ALPK2: variants seen among roughly 807,000 people sequenced by gnomAD.
ALPK2 encodes alpha kinase 2, also known as alpha-protein kinase 2.
Under a neutral mutation model 163.1 loss-of-function variants are expected in ALPK2, and 127 were observed. That is an observed-to-expected ratio of 0.78 (90% confidence interval 0.67 to 0.90). The LOEUF is 0.90. Ranked by LOEUF, ALPK2 falls within the 40% of genes least tolerant of loss-of-function variation. ALPK2 has a pLI of 0.00. For missense variants in ALPK2, 2,360 were observed against 2,589.6 expected (o/e 0.91, Z 1.92); for synonymous variants, 953 against 959.1 (o/e 0.99, Z 0.12).
At chr18:58,576,499 T>C (rs1259252968) in intron 4 of ALPK2, among the ~76,000 whole-genome samples, 1 of 152,242 alleles carries the variant, frequency 6.6e-6, no homozygotes, top group Non-Finnish European at 1.5e-5. Flanking sequence ...TTAAAATGTC[T>C]TTTGAATTTG....
chr18:58,594,058 C>T (rs533532384), intron 3 of ALPK2, among the ~76,000 whole-genome samples: 15 of 151,266 alleles, frequency 9.9e-5, no homozygotes, highest in Non-Finnish European at 2.1e-4. Context: ...CACTCAGAAG[C>T]ACTGAACTAA....
In ALPK2 at chr18:58,579,469, T is replaced by C. The variant is rs1358721803; in HGVS notation, c.1307A>G (p.His436Arg). ...QTGMTLILGPHQDGTSSVTEQ... is the reference protein window; with the variant it reads ...QTGMTLILGPRQDGTSSVTEQ... ...TGTCACTGAAGACGTTCCATCCTGG[T>C]GAGGTCCCAAAATGAGAGTCATCCC... The change falls in exon 4 of 13, where the codon CAC becomes CGC. Residue 436 changes from histidine (H) to arginine (R), a missense_variant. Physicochemically the swap from His to Arg is conservative, Grantham distance 29. Transcript: ENST00000361673. The C allele has an allele frequency of 1.2e-6, 2 of 1,613,946 alleles. No individual in the cohort carries two copies. The highest frequency in any genetic ancestry group is 1.3e-5 in the African/African-American group (1 of 74,886).
Position 58,531,393 on chromosome 18 carries a change from G to A in ALPK2, c.5354-2155C>T, listed in dbSNP as rs142339157. On this transcript the variant is annotated intron_variant, in intron 5 of 12. Transcript: ENST00000361673. ...GCACAGTCGAGATGTCAGCCAAGGG[G>A]TCTGAAGTGTACCAGCCGGAAAGCA... is the stretch of plus-strand genomic sequence containing the variant. Among the ~76,000 whole-genome samples the A allele has an allele frequency of 1.2e-4, 18 of 152,090 alleles. No homozygotes were observed. The East Asian group carries it at 2.5e-3, about 21-fold the overall frequency.
At chr18:58,484,135 A>G (rs1327241602) in intron 12 of ALPK2, among the ~76,000 whole-genome samples, 3 of 152,222 alleles carry the variant, frequency 2.0e-5, no homozygotes, top group Admixed American at 2.0e-4. Context: ...GATGATTGAA[A>G]AAAGAGTGGG....
intron 1 of ALPK2, among the ~76,000 whole-genome samples, chr18:58,619,877 C>A (rs893717253): frequency 6.6e-6 from 1 of 152,132 alleles, no homozygotes; most frequent in Non-Finnish European, 1.5e-5. Context: ...TCATAATAGC[C>A]AAAAATTGGA....
In ALPK2 at chr18:58,579,111, T is replaced by G; in HGVS notation, c.1665A>C (p.Glu555Asp). 1 of 1,614,208 alleles carries G rather than the reference T, an allele frequency of 6.2e-7. No homozygotes were observed. Among genetic ancestry groups the G allele is most frequent in the Non-Finnish European group, 8.5e-7 (1 of 1,180,050 alleles). ...GATGAAGGGTACCTTCTGTTGTACT[T>G]TCTCTCAGGTTGGCATTCGGCTTCT... is the stretch of plus-strand genomic sequence containing the variant. ...NPKKPNANLR[E>D]STTEGTLHLC... Residue 555 changes from glutamate to aspartate, a missense_variant, in exon 4 of 13, where the codon GAA becomes GAC. Glu to Asp is a conservative substitution (Grantham distance 45). Transcript: ENST00000361673.
At chr18:58,502,043 C>T (rs975260267) in intron 11 of ALPK2, among the ~76,000 whole-genome samples, 5 of 151,452 alleles carry the variant, frequency 3.3e-5, no homozygotes, top group African/African-American at 1.2e-4. Flanking sequence ...GCTCATACCT[C>T]TAATCCCAGC....
rs568615039 is a variant in ALPK2, at chr18:58,622,686, G to A, written c.-21+6078C>T. 1.7e-4 allele frequency among the ~76,000 whole-genome samples: 26 copies of A among 152,258 alleles called. No individual in the cohort carries two copies. The East Asian group carries it at 3.9e-3, about 23-fold the overall frequency. The stretch of plus-strand genomic sequence containing the variant: ...GGTTTGAAGTTGAATGTCATGGGCC[G>A]ACTGCTCTGTCCAGTCTAGGAATGT... On this transcript the variant is annotated intron_variant, in intron 1 of 12. Transcript: ENST00000361673.
At position 58,580,199 on chromosome 18, in the gene ALPK2, C is replaced by A. The variant is rs367797723; in HGVS notation, c.577G>T (p.Val193Phe). 6 of 1,614,206 alleles carry A rather than the reference C, an allele frequency of 3.7e-6. No homozygotes were observed. The highest frequency in any genetic ancestry group is 4.2e-6 in the Non-Finnish European group (5 of 1,180,024). ...TCTCCAGTGTGCCTTGTTCCTTTAA[C>A]ACCCAAAGGATTTTCAGAACTGGAC... is the stretch of plus-strand genomic sequence containing the variant. ...SVSSSENPLG[V>F]KGTRHTGEAY... The change falls in exon 4 of 13, where the codon GTT (valine) becomes TTT (phenylalanine). Residue 193 changes from valine to phenylalanine, a missense_variant. Coordinates refer to ENST00000361673, the MANE Select transcript of ALPK2 (RefSeq NM_052947.4).
chr18:58,498,336 A>G (rs888600626), intron 11 of ALPK2, among the ~76,000 whole-genome samples: 1 of 152,166 alleles, frequency 6.6e-6, no homozygotes, highest in African/African-American at 2.4e-5. Context: ...GGCTCTGGAA[A>G]TGAAGTCCTC....
chr18:58,493,461 G>A (rs1157018247), intron 12 of ALPK2, among the ~76,000 whole-genome samples: 3 of 152,100 alleles, frequency 2.0e-5, no homozygotes, highest in East Asian at 3.8e-4. Context: ...GTGGTGGCTC[G>A]GCCTTGTGAC....
At chr18:58,552,552 C>T (rs1211066683) in intron 4 of ALPK2, among the ~76,000 whole-genome samples, 1 of 152,226 alleles carries the variant, frequency 6.6e-6, no homozygotes, top group Non-Finnish European at 1.5e-5. Flanking sequence ...AATATATTTG[C>T]TGCTGATGCA....
chr18:58,488,004 G>A (rs1015374772), intron 12 of ALPK2, among the ~76,000 whole-genome samples: 10 of 152,104 alleles, frequency 6.6e-5, no homozygotes, highest in Non-Finnish European at 1.2e-4. Flanking sequence ...TCTGGAGTGG[G>A]GGTGGAATTT....
At chr18:58,493,946 A>C (rs776252096) in intron 12 of ALPK2, among the ~76,000 whole-genome samples, 3 of 151,988 alleles carry the variant, frequency 2.0e-5, no homozygotes, top group Non-Finnish European at 4.4e-5. Context: ...TTTTTAGGGG[A>C]GACTACAAAG....
At chr18:58,624,427 G>C (rs2052218121) in intron 1 of ALPK2, among the ~76,000 whole-genome samples, 1 of 150,480 alleles carries the variant, frequency 6.6e-6, no homozygotes, top group Non-Finnish European at 1.5e-5. Context: ...TACTGATTTA[G>C]GTAGTTTGAG....
chr18:58,528,613 C>T (rs2051595821), intron 6 of ALPK2: 1 of 165,062 alleles, frequency 6.1e-6, no homozygotes, highest in Non-Finnish European at 1.3e-5. Flanking sequence ...TGGTCACCCT[C>T]AATAGCTGTT....
intron 12 of ALPK2, among the ~76,000 whole-genome samples, chr18:58,484,867 T>C (rs368048007): frequency 6.6e-6 from 1 of 152,374 alleles, no homozygotes; most frequent in East Asian, 1.9e-4. Flanking sequence ...ATGTTGATCG[T>C]GTTGTTATAA....
intron 11 of ALPK2, among the ~76,000 whole-genome samples, chr18:58,498,723 T>C (rs1328178843): frequency 6.6e-6 from 1 of 152,210 alleles, no homozygotes; most frequent in Middle Eastern, 3.2e-3. Flanking sequence ...GGAGATTTGA[T>C]GATTTCATAA....
chr18:58,536,469 T>A lies in ALPK2; in HGVS notation c.3718A>T (p.Thr1240Ser). 6.2e-7 allele frequency: 1 copy of A among 1,613,958 alleles called. No individual in the cohort carries two copies. Among genetic ancestry groups the A allele is most frequent in the Admixed American group, 1.7e-5 (1 of 60,010 alleles). Residue 1240 changes from threonine to serine, a missense_variant, in exon 5 of 13, where the codon ACT becomes TCT. Coordinates refer to ENST00000361673, the MANE Select transcript of ALPK2 (RefSeq NM_052947.4). Reference protein sequence around the residue: ...WEAGNKLKIITLEASASEIWP... With the variant: ...WEAGNKLKIISLEASASEIWP... ...ATTTCAGAAGCGGAAGCCTCTAGAG[T>A]TATAATCTTCAGCTTGTTGCCTGCC... is the stretch of plus-strand genomic sequence containing the variant.
Sources: allele counts gnomAD v4.1 joint callset (sites outside exome capture counted in the v4.1 genomes callset), GRCh38; gene constraint gnomAD v4.1.1; transcripts MANE v1.5; gene names NCBI Gene and HGNC (gene_info 2026-07-23, HGNC 2026-07-21).